Variants in ACACA observed in about 807,000 individuals in gnomAD.
ACACA encodes the protein acetyl-CoA carboxylase alpha.
Under a neutral mutation model 296.1 loss-of-function variants are expected in ACACA, and 103 were observed. That is an observed-to-expected ratio of 0.35 (90% CI 0.30 to 0.41). The LOEUF (loss-of-function observed/expected upper bound fraction) is 0.41, where lower values mean the gene tolerates loss of function less well. Ranked by LOEUF, ACACA falls within the 10% of genes least tolerant of loss-of-function variation. The pLI is 1.00. For synonymous variants in ACACA, 953 were observed against 1,038.6 expected, an observed-to-expected ratio of 0.92 and a Z score of 1.58; for missense variants, 1,554 against 2,989.7, an observed-to-expected ratio of 0.52 and a Z score of 11.20.
At chr17:37,092,568 C>A (rs2072721478) in intron 54 of ACACA, among the ~76,000 whole-genome samples, 1 of 152,232 alleles carries the variant, frequency 6.6e-6, no homozygotes, top group South Asian at 2.1e-4. Flanking sequence ...GTCTATCTCA[C>A]AACATCTAAA....
chr17:37,286,278 GGAAACAGCACAGGC>G (rs2082768042), intron 3 of ACACA, among the ~76,000 whole-genome samples: 1 of 152,148 alleles, frequency 6.6e-6, no homozygotes, highest in Non-Finnish European at 1.5e-5. Flanking sequence ...ATATGATAGT[GGAAACAGCACAGGC>G]CTGGGTTTAC....
intron 21 of ACACA, 117 bp from the exon 22 acceptor site, chr17:37,243,676 A>G: frequency 1.9e-6 from 2 of 1,068,764 alleles, no homozygotes; most frequent in South Asian, 1.3e-5. Context: ...CCACTCATAT[A>G]TGAAAATCTG....
chr17:37,330,038 C>T (rs2047801344), intron 3 of ACACA, 135 bp downstream of exon 3: 4 of 1,140,518 alleles, frequency 3.5e-6, no homozygotes, highest in Non-Finnish European at 5.1e-6. Context: ...CTGACTTCCT[C>T]AACAAAGCTT....
chr17:37,335,815 C>A (rs540701383), intron 2 of ACACA, among the ~76,000 whole-genome samples: 21 of 152,282 alleles, frequency 1.4e-4, no homozygotes, highest in African/African-American at 5.1e-4. Flanking sequence ...CCTTCAAAAT[C>A]GAAGAGCTTT....
chr17:37,085,507 C>A lies in ACACA; in HGVS notation c.*1809G>T, dbSNP rs147411301. The A allele has an allele frequency of 5.0e-5, 20 of 397,924 alleles. No individual in the cohort carries two copies. In the East Asian group the frequency reaches 6.4e-4, roughly 13 times the overall value. 24.6% of individuals were successfully genotyped at this position (397,924 alleles called of 1,614,324 possible). On this transcript the variant is annotated 3_prime_UTR_variant, in exon 56 of 56. Coordinates refer to ENST00000616317, the MANE Select transcript of ACACA (RefSeq NM_198834.3). Reference sequence around the variant, plus strand: ...AAAAAGCATAGAAGAATAATCTGGTCAAAAATGAATCCAATTCTTACTAGG... The same window carrying A: ...AAAAAGCATAGAAGAATAATCTGGTAAAAAATGAATCCAATTCTTACTAGG...
chr17:37,245,169 T>C lies in ACACA; in HGVS notation c.2506A>G (p.Ile836Val), dbSNP rs1213484392. The C allele has an allele frequency of 6.2e-7, 1 of 1,614,172 alleles. No individual in the cohort carries two copies. The highest frequency in any genetic ancestry group is 2.2e-5 in the East Asian group (1 of 44,886). The change falls in exon 20 of 56, where the codon ATC becomes GTC. Residue 836 changes from isoleucine to valine, a missense_variant. This residue lies in a region of ACACA where 316 missense variants were observed against 540.9 expected (regional missense o/e 0.58). Coordinates refer to ENST00000616317, the MANE Select transcript of ACACA (RefSeq NM_198834.3). ...MTLTAVESGC[I>V]HYVKRPGAAL... The stretch of plus-strand genomic sequence containing the variant: ...GCTCCAGGTCGCTTGACGTAATGGA[T>C]ACAGCCAGACTCCACAGCTGTTAAG...
chr17:37,304,019 T>C (rs1195280595), intron 3 of ACACA, among the ~76,000 whole-genome samples: 3 of 152,258 alleles, frequency 2.0e-5, no homozygotes, highest in Non-Finnish European at 4.4e-5. Flanking sequence ...TGATATCTCA[T>C]TGCTATTTTA....
chr17:37,266,989 C>T (rs1364984177), intron 10 of ACACA, among the ~76,000 whole-genome samples: 1 of 152,202 alleles, frequency 6.6e-6, no homozygotes, highest in Non-Finnish European at 1.5e-5. Context: ...ACATCCTCCT[C>T]ACCAATGTTC....
At chr17:37,326,242 C>A (rs937707092) in intron 3 of ACACA, among the ~76,000 whole-genome samples, 1 of 148,928 alleles carries the variant, frequency 6.7e-6, no homozygotes, top group African/African-American at 2.5e-5. Context: ...CAGGGTCAGG[C>A]ATAGGCTGAC....
intron 41 of ACACA, among the ~76,000 whole-genome samples, chr17:37,172,030 C>G (rs2144675596): frequency 6.6e-6 from 1 of 152,246 alleles, no homozygotes; most frequent in Non-Finnish European, 1.5e-5. Context: ...TCCTCATTCT[C>G]TGGTGTCATC....
chr17:37,129,943 T>A, intron 46 of ACACA, 132 bp downstream of exon 46: 1 of 1,305,034 alleles, frequency 7.7e-7, no homozygotes, highest in Non-Finnish European at 1.1e-6. Context: ...GAGAAATCAA[T>A]AGCTTTCAGA....
At chr17:37,266,422 A>C (rs2081778137) in intron 10 of ACACA, among the ~76,000 whole-genome samples, 2 of 67,230 alleles carry the variant, frequency 3.0e-5, no homozygotes, top group Non-Finnish European at 2.4e-5. Flanking sequence ...TCAAGAAAAC[A>C]AAAAAAAAAA....
chr17:37,169,035 A>T (rs543737485), intron 41 of ACACA, among the ~76,000 whole-genome samples: 1 of 152,214 alleles, frequency 6.6e-6, no homozygotes, highest in South Asian at 2.1e-4. Context: ...CTTTACAAAC[A>T]TATGTACATA....
At chr17:37,101,956 A>T (rs1429844495) in intron 52 of ACACA, among the ~76,000 whole-genome samples, 1 of 127,884 alleles carries the variant, frequency 7.8e-6, no homozygotes, top group African/African-American at 3.5e-5. Flanking sequence ...ACTGCACTCA[A>T]ATCTTTCAGG....
intron 1 of ACACA, among the ~76,000 whole-genome samples, chr17:37,373,176 GCC>G (rs2049867903): frequency 6.6e-6 from 1 of 152,114 alleles, no homozygotes; most frequent in African/African-American, 2.4e-5. Context: ...ACGGTGCCCG[GCC>G]TACTCCTGGA....
chr17:37,163,216 A>AAAAAAAAAAAAAG, intron 41 of ACACA: 1 of 149,658 alleles, frequency 6.7e-6, no homozygotes, highest in Non-Finnish European at 1.5e-5. Context: ...AAAAAAAAAA[A>AAAAAAAAAAAAAG]GAGTGTAGCA....
chr17:37,340,806 CAAACTCTG>C (rs1281228754), intron 1 of ACACA, among the ~76,000 whole-genome samples: 4 of 152,178 alleles, frequency 2.6e-5, no homozygotes, highest in Admixed American at 6.5e-5. Context: ...CAATCAAGCT[CAAACTCTG>C]ACTGTCAAAT....
chr17:37,213,926 G>A lies in ACACA; in HGVS notation c.3684-3436C>T, dbSNP rs191350517. ...CTGAATTTCATTTGGCTTGATTCTA[G>A]CTGGCCTTATATAAATCTTTTATCA... On this transcript the variant is annotated intron_variant, in intron 29 of 55. Transcript: ENST00000616317. Among the ~76,000 whole-genome samples the A allele has an allele frequency of 2.0e-5, 3 of 152,086 alleles. No homozygotes were observed. The East Asian group carries it at 5.8e-4, about 29-fold the overall frequency.
chr17:37,165,675 ATTT>A (rs61254387), intron 41 of ACACA, among the ~76,000 whole-genome samples: 1 of 139,702 alleles, frequency 7.2e-6, no homozygotes, highest in Non-Finnish European at 1.5e-5. Flanking sequence ...TGTGTAGAGA[ATTT>A]TTTTTTTTTT....
Sources: gnomAD v4.1 joint callset for allele counts (sites outside exome capture counted in the v4.1 genomes callset) on GRCh38, gnomAD v4.1.1 for gene constraint, gnomAD v4.1.1 regional missense constraint, MANE v1.5 for transcripts, NCBI Gene and HGNC (gene_info 2026-07-23, HGNC 2026-07-21) for gene names.